CFAP61: variants seen among roughly 807,000 people sequenced by gnomAD.
CFAP61 encodes the protein cilia and flagella associated protein 61.
A neutral mutation model predicts 135.6 loss-of-function variants in CFAP61; 107 were observed. The observed-to-expected ratio is 0.79, with a 90% CI of 0.67 to 0.93. The LOEUF is 0.93. CFAP61 is among the 40% of genes least tolerant of loss of function. CFAP61 has a pLI of 0.00. For synonymous variants in CFAP61, 575 were observed against 578.5 expected, an observed-to-expected ratio of 0.99 and a Z score of 0.09; for missense variants, 1,507 against 1,556.2, an observed-to-expected ratio of 0.97 and a Z score of 0.53.
chr20:20,086,740 A>G (rs1477201648), intron 6 of CFAP61, among the ~76,000 whole-genome samples: 1 of 152,196 alleles, frequency 6.6e-6, no homozygotes, highest in Non-Finnish European at 1.5e-5. Context: ...AAGAACTGCT[A>G]CAGAATTCCT....
intron 25 of CFAP61, among the ~76,000 whole-genome samples, chr20:20,322,472 G>A (rs779168942): frequency 1.6e-4 from 25 of 152,260 alleles, no homozygotes; most frequent in Admixed American, 1.1e-3. Context: ...ACAGCAGCCT[G>A]TTGCCTATCT....
chr20:20,089,591 A>G (rs1263047201), intron 6 of CFAP61, among the ~76,000 whole-genome samples: 2 of 151,818 alleles, frequency 1.3e-5, no homozygotes, highest in African/African-American at 4.8e-5. Context: ...ATCAGAGAAA[A>G]AAAAAAAAAA....
At chr20:20,100,403 C>T (rs1031036010) in intron 8 of CFAP61, among the ~76,000 whole-genome samples, 3 of 152,080 alleles carry the variant, frequency 2.0e-5, no homozygotes, top group Non-Finnish European at 2.9e-5. Flanking sequence ...GAACTCCTGA[C>T]CTCAGGTGAT....
In CFAP61 at chr20:20,115,535, C is replaced by A. The variant is rs772818212; in HGVS notation, c.859+16721C>A. ...AGCTATCAAACACTAGGTCTTATTT[C>A]TTCTATTAAATTATATATTTCTACC... is the stretch of plus-strand genomic sequence containing the variant. On this transcript the variant is annotated intron_variant, in intron 8 of 26. Transcript: ENST00000245957. 4.6e-5 allele frequency among the ~76,000 whole-genome samples: 7 copies of A among 152,054 alleles called. No homozygotes were observed. The South Asian group carries it at 1.2e-3, about 27-fold the overall frequency.
At chr20:20,185,597 A>T (rs551430359) in intron 13 of CFAP61, among the ~76,000 whole-genome samples, 1 of 152,230 alleles carries the variant, frequency 6.6e-6, no homozygotes, top group Non-Finnish European at 1.5e-5. Flanking sequence ...TTGGAATGGA[A>T]ACAGTGAGAC....
chr20:20,240,673 C>T (rs747418057), intron 18 of CFAP61, among the ~76,000 whole-genome samples: 2 of 152,122 alleles, frequency 1.3e-5, no homozygotes, highest in Non-Finnish European at 2.9e-5. Context: ...TTCTAATTGC[C>T]TCCCAGTATT....
At chr20:20,245,047 TC>T (rs1411879107) in intron 18 of CFAP61, among the ~76,000 whole-genome samples, 3 of 152,364 alleles carry the variant, frequency 2.0e-5, no homozygotes, top group East Asian at 1.9e-4. Context: ...GACTTTATTG[TC>T]CATATCGCTA....
In CFAP61 at chr20:20,159,385, G is replaced by A; in HGVS notation, c.967G>A (p.Glu323Lys). The A allele has an allele frequency of 6.2e-7, 1 of 1,613,928 alleles. No homozygotes were observed. Among genetic ancestry groups the A allele is most frequent in the South Asian group, 1.1e-5 (1 of 91,084 alleles). ...TCATTTCCAGGGAAATATTGCCAGA[G>A]AAGCTGCATCCGAGGAAGCTTTAAC... The part of the protein sequence containing the change: ...MENIQGNIAR[E>K]AASEEALTAV... The change falls in exon 10 of 27, where the codon GAA (glutamate) becomes AAA (lysine). Residue 323 changes from glutamate to lysine, a missense_variant. By Grantham distance (56) the Glu-to-Lys change is moderately conservative. Coordinates refer to ENST00000245957, the MANE Select transcript of CFAP61 (RefSeq NM_015585.4).
intron 8 of CFAP61, among the ~76,000 whole-genome samples, chr20:20,109,731 G>A (rs571368551): frequency 5.3e-5 from 8 of 152,202 alleles, no homozygotes; most frequent in African/African-American, 1.9e-4. Context: ...ACTCTGTCTT[G>A]TCTTTTAATT....
intron 25 of CFAP61, among the ~76,000 whole-genome samples, chr20:20,331,069 T>C (rs1243209264): frequency 6.6e-6 from 1 of 152,252 alleles, no homozygotes; most frequent in Admixed American, 6.5e-5. Flanking sequence ...TTAGACTCCA[T>C]GGACAATTCT....
chr20:20,334,369 C>T (rs567122667), intron 25 of CFAP61, among the ~76,000 whole-genome samples: 3 of 152,286 alleles, frequency 2.0e-5, no homozygotes, highest in East Asian at 1.9e-4. Context: ...TCAAGTGATC[C>T]GCCTGCCTCG....
At chr20:20,093,657 A>T (rs1254965930) in intron 7 of CFAP61, among the ~76,000 whole-genome samples, 1 of 151,274 alleles carries the variant, frequency 6.6e-6, no homozygotes, top group Non-Finnish European at 1.5e-5. Flanking sequence ...CTGGTCTCAA[A>T]CTCTTGGCCT....
intron 22 of CFAP61, among the ~76,000 whole-genome samples, chr20:20,288,011 A>G (rs558880108): frequency 6.6e-6 from 1 of 152,286 alleles, no homozygotes; most frequent in East Asian, 1.9e-4. Flanking sequence ...TGCCATCAGT[A>G]TTTCTTGAAT....
intron 22 of CFAP61, among the ~76,000 whole-genome samples, chr20:20,282,643 G>A (rs191060993): frequency 1.6e-4 from 24 of 152,224 alleles, no homozygotes; most frequent in Non-Finnish European, 2.2e-4. Flanking sequence ...AGAGAACAGT[G>A]TTTTAAGATT....
chr20:20,155,875 A>G (rs2052861622), intron 9 of CFAP61, among the ~76,000 whole-genome samples: 1 of 152,192 alleles, frequency 6.6e-6, no homozygotes, highest in Non-Finnish European at 1.5e-5. Flanking sequence ...TCCTTAAAGA[A>G]TTAAAAGTAG....
At chr20:20,358,906 T>C (rs970053829) in intron 26 of CFAP61, among the ~76,000 whole-genome samples, 6 of 152,166 alleles carry the variant, frequency 3.9e-5, no homozygotes, top group African/African-American at 1.4e-4. Flanking sequence ...ACCATCAGAG[T>C]CCACAGACTC....
At chr20:20,336,568 C>T (rs923737864) in intron 25 of CFAP61, among the ~76,000 whole-genome samples, 10 of 151,366 alleles carry the variant, frequency 6.6e-5, no homozygotes, top group East Asian at 5.8e-4. Flanking sequence ...GAGGCTGCAG[C>T]GAGCTATGAC....
chr20:20,052,687 A>G (rs972185530), intron 1 of CFAP61, 96 bp downstream of exon 1: 1 of 1,612,976 alleles, frequency 6.2e-7, no homozygotes, highest in Middle Eastern at 1.7e-4. Context: ...TGGGATGACC[A>G]GGCGAGGACG....
Position 20,206,463 on chromosome 20 carries a change from A to G in CFAP61, c.1932+6561A>G, listed in dbSNP as rs148989921. ...CTGCTCTCAGCCCTAGACAACCAGT[A>G]GTCTACTTAATCTCTCTATGAACTT... On this transcript the variant is annotated intron_variant, in intron 17 of 26. Transcript: ENST00000245957. 1.8e-3 allele frequency among the ~76,000 whole-genome samples: 281 copies of G among 152,280 alleles called. 4 individuals carry two copies. Among genetic ancestry groups the G allele is most frequent in the East Asian group, 0.015 (79 of 5,174 alleles).
Sources: gnomAD v4.1 joint callset for allele counts (sites outside exome capture counted in the v4.1 genomes callset) on GRCh38, gnomAD v4.1.1 for gene constraint, MANE v1.5 for transcripts, NCBI Gene and HGNC (gene_info 2026-07-23, HGNC 2026-07-21) for gene names.